Variants in RAPGEF4 observed in about 807,000 individuals in gnomAD.
RAPGEF4 encodes the protein Rap guanine nucleotide exchange factor 4.
In RAPGEF4, 66 loss-of-function variants were observed where a neutral mutation model predicts 147.9. The ratio of observed to expected loss-of-function variants is 0.45; its 90% CI spans 0.37 to 0.55. RAPGEF4 has a LOEUF of 0.55. RAPGEF4 is among the 20% of genes least tolerant of loss of function. RAPGEF4 has a pLI of 0.00. For synonymous variants in RAPGEF4, 419 were observed against 442.7 expected, an observed-to-expected ratio of 0.95 and a Z score of 0.67; for missense variants, 1,071 against 1,257.3, an observed-to-expected ratio of 0.85 and a Z score of 2.24.
At chr2:172,792,721 C>A (rs922450394) in intron 1 of RAPGEF4, among the ~76,000 whole-genome samples, 1 of 152,188 alleles carries the variant, frequency 6.6e-6, no homozygotes, top group East Asian at 1.9e-4. Context: ...TGAAAATGTT[C>A]ATCTCTCATG....
intron 6 of RAPGEF4, among the ~76,000 whole-genome samples, chr2:172,929,062 T>A (rs988944772): frequency 1.3e-5 from 2 of 152,232 alleles, no homozygotes. Context: ...CACCAGTTAC[T>A]TTGGGCTGCT....
At chr2:173,000,245 A>G (rs749994259) in intron 16 of RAPGEF4, among the ~76,000 whole-genome samples, 2 of 152,352 alleles carry the variant, frequency 1.3e-5, no homozygotes, top group South Asian at 2.1e-4. Context: ...TTAAATGACT[A>G]TGTATAATGG....
chr2:172,735,924 G>A lies in RAPGEF4; in HGVS notation c.-60G>A, dbSNP rs111695630. The A allele has an allele frequency of 9.5e-4, 1,298 of 1,369,514 alleles. 29 individuals carry two copies. In the South Asian group the frequency reaches 0.019, roughly 20 times the overall value. The allele number at this position is 1,369,514 out of a possible 1,614,324, so 84.8% of individuals were successfully genotyped here. On this transcript the variant is annotated 5_prime_UTR_variant, in exon 1 of 31. Transcript: ENST00000397081. Reference sequence around the variant, plus strand: ...CGGCGGACGAGGCGGGGGCGGAGGCGCAGGCAGAGCGAGCGCGGGAGGTCG... The same window carrying A: ...CGGCGGACGAGGCGGGGGCGGAGGCACAGGCAGAGCGAGCGCGGGAGGTCG...
At chr2:173,017,558 A>G in intron 21 of RAPGEF4, 54 bp downstream of exon 21, 1 of 1,514,382 alleles carries the variant, frequency 6.6e-7, no homozygotes, top group South Asian at 1.1e-5. Context: ...TAGTCAGGAT[A>G]ATGGTAAGCA....
In RAPGEF4 at chr2:173,021,920, C is replaced by T. The variant is rs572796255; in HGVS notation, c.2253+1205C>T. The stretch of plus-strand genomic sequence containing the variant: ...CCTCATCCATCAGAGCCCATAAGCA[C>T]GCTCACCTTTCCTCAATCACCAGCC... On this transcript the variant is annotated intron_variant, in intron 23 of 30. Transcript: ENST00000397081. 1.0e-3 allele frequency among the ~76,000 whole-genome samples: 159 copies of T among 152,316 alleles called. 2 individuals are homozygous for T. Among genetic ancestry groups the T allele is most frequent in the Non-Finnish European group, 1.3e-3 (87 of 68,030 alleles).
intron 1 of RAPGEF4, among the ~76,000 whole-genome samples, chr2:172,740,910 A>G (rs1328715398): frequency 1.3e-5 from 2 of 152,268 alleles, no homozygotes; most frequent in South Asian, 2.1e-4. Flanking sequence ...CTGTCACATC[A>G]GAGAAGTGGA....
intron 4 of RAPGEF4, among the ~76,000 whole-genome samples, chr2:172,861,810 G>A (rs555544855): frequency 2.0e-5 from 3 of 152,206 alleles, no homozygotes; most frequent in Non-Finnish European, 4.4e-5. Flanking sequence ...GTTGAGTTTT[G>A]GAGGTAATGG....
chr2:172,760,081 A>G (rs1696156039), intron 1 of RAPGEF4, among the ~76,000 whole-genome samples: 2 of 152,336 alleles, frequency 1.3e-5, no homozygotes, highest in South Asian at 4.1e-4. Context: ...TTGTAGCCAT[A>G]AAACAAGGAA....
chr2:172,819,968 C>G (rs1688914645), intron 4 of RAPGEF4, among the ~76,000 whole-genome samples: 1 of 152,130 alleles, frequency 6.6e-6, no homozygotes, highest in Non-Finnish European at 1.5e-5. Flanking sequence ...AAAAACTGAT[C>G]TATTATCCAA....
At chr2:172,911,551 C>T (rs1700092352) in intron 4 of RAPGEF4, among the ~76,000 whole-genome samples, 3 of 151,988 alleles carry the variant, frequency 2.0e-5, no homozygotes, top group Admixed American at 2.0e-4. Flanking sequence ...CTCCACCTCC[C>T]GGGTTCAAGG....
chr2:172,882,075 ATAAT>A (rs1696696118), intron 4 of RAPGEF4, among the ~76,000 whole-genome samples: 1 of 152,242 alleles, frequency 6.6e-6, no homozygotes, highest in Non-Finnish European at 1.5e-5. Flanking sequence ...GGGACTGTTG[ATAAT>A]TAAGTAAATC....
intron 6 of RAPGEF4, among the ~76,000 whole-genome samples, chr2:172,932,551 A>C (rs1467545362): frequency 6.6e-6 from 1 of 152,244 alleles, no homozygotes; most frequent in Non-Finnish European, 1.5e-5. Flanking sequence ...TTTGTTGTTT[A>C]AGTCATATTC....
chr2:172,750,242 G>A, intron 1 of RAPGEF4, among the ~76,000 whole-genome samples: 1 of 151,912 alleles, frequency 6.6e-6, no homozygotes, highest in East Asian at 1.9e-4. Context: ...CTCTGTTTAT[G>A]CTGCTGATAA....
intron 12 of RAPGEF4, 142 bp downstream of exon 12, chr2:172,985,635 G>T (rs1476823532): frequency 5.5e-6 from 8 of 1,446,028 alleles, no homozygotes; most frequent in Non-Finnish European, 7.4e-6. Flanking sequence ...TGGTACTTTC[G>T]TTTTTCTGGA....
intron 16 of RAPGEF4, among the ~76,000 whole-genome samples, chr2:172,996,998 A>G (rs138912541): frequency 6.1e-4 from 93 of 152,338 alleles, no homozygotes; most frequent in African/African-American, 2.0e-3. Context: ...ACTAAATGCC[A>G]CCATTCGTTT....
chr2:173,016,954 A>T (rs16861173), intron 19 of RAPGEF4, among the ~76,000 whole-genome samples: 1 of 152,170 alleles, frequency 6.6e-6, no homozygotes, highest in Non-Finnish European at 1.5e-5. Flanking sequence ...GGCTTTGAAC[A>T]TCGGTTCTGC....
intron 1 of RAPGEF4, among the ~76,000 whole-genome samples, chr2:172,769,227 G>A (rs1164728709): frequency 3.3e-5 from 5 of 151,272 alleles, no homozygotes; most frequent in Middle Eastern, 3.4e-3. Context: ...AGCAGAAAAG[G>A]CATACACATT....
Position 172,795,099 on chromosome 2 carries a change from T to A in RAPGEF4, c.140T>A (p.Phe47Tyr). ...AAAGAAGTTAAAGCTTTTGAGAAAT[T>A]TCACCCAAATCTCCTTCATCAGATT... ...RLKEVKAFEKFHPNLLHQICL... is the reference protein window; with the variant it reads ...RLKEVKAFEKYHPNLLHQICL... Residue 47 changes from phenylalanine to tyrosine, a missense_variant, in exon 2 of 31, where the codon TTT becomes TAT. Transcript: ENST00000397081. The A allele has an allele frequency of 6.2e-7, 1 of 1,613,338 alleles. No homozygotes were observed. Among genetic ancestry groups the A allele is most frequent in the Non-Finnish European group, 8.5e-7 (1 of 1,179,292 alleles).
At chr2:172,984,748 A>G (rs1431481035) in intron 11 of RAPGEF4, among the ~76,000 whole-genome samples, 1 of 152,146 alleles carries the variant, frequency 6.6e-6, no homozygotes, top group East Asian at 1.9e-4. Flanking sequence ...CCTGTGCTCC[A>G]GGGACCCAGC....
Sources: gnomAD v4.1 joint callset for allele counts (sites outside exome capture counted in the v4.1 genomes callset) on GRCh38, gnomAD v4.1.1 for gene constraint, MANE v1.5 for transcripts, NCBI Gene and HGNC (gene_info 2026-07-23, HGNC 2026-07-21) for gene names.